RAB39A: variants seen among roughly 807,000 people sequenced by gnomAD.
RAB39A encodes the protein ras-related protein Rab-39A.
A neutral mutation model predicts 20.9 loss-of-function variants in RAB39A; 17 were observed. That is an observed-to-expected ratio of 0.81 (90% confidence interval 0.56 to 1.22). RAB39A has a LOEUF of 1.22. RAB39A is among the 50% of genes most tolerant of loss of function. RAB39A has a pLI of 0.00. For synonymous variants in RAB39A, 99 were observed against 103.4 expected (o/e 0.96, Z 0.26); for missense variants, 234 against 270.5 (o/e 0.87, Z 0.95).
chr11:107,962,717 T>C lies in RAB39A; in HGVS notation c.*345T>C. The C allele has an allele frequency of 5.4e-6, 1 of 184,322 alleles. No homozygotes were observed. The highest frequency in any genetic ancestry group is 1.1e-5 in the Non-Finnish European group (1 of 87,710). 11.4% of individuals were successfully genotyped at this position (184,322 alleles called of 1,614,324 possible). A position where few individuals can be genotyped will look rare whatever the true frequency, so the allele number is the denominator to read the frequency against. On this transcript the variant is annotated 3_prime_UTR_variant, in exon 2 of 2. Coordinates refer to ENST00000320578, the MANE Select transcript of RAB39A (RefSeq NM_017516.3). ...GTGCATATATAGTCAATTGAAAAGA[T>C]TTTATCAGGAATTACATTCTCTTGA...
intron 1 of RAB39A, among the ~76,000 whole-genome samples, chr11:107,930,861 TAAATA>T (rs1861128576): frequency 6.6e-6 from 1 of 150,454 alleles, no homozygotes; most frequent in African/African-American, 2.4e-5. Context: ...GTCTCAAAAA[TAAATA>T]AATAAATAAA....
chr11:107,944,407 C>G (rs370381513), intron 1 of RAB39A, among the ~76,000 whole-genome samples: 11 of 152,168 alleles, frequency 7.2e-5, no homozygotes, highest in African/African-American at 2.2e-4. Context: ...TTAATAGATA[C>G]TGGAGGCTAG....
At position 107,928,599 on chromosome 11, in the gene RAB39A, C is replaced by G. The variant is rs1217115570; in HGVS notation, c.31C>G (p.Leu11Val). The G allele has an allele frequency of 2.5e-6, 4 of 1,587,740 alleles. No individual in the cohort carries two copies. Among genetic ancestry groups the G allele is most frequent in the Admixed American group, 1.7e-5 (1 of 59,382 alleles). The change falls in exon 1 of 2, where the codon CTC becomes GTC. Residue 11 changes from leucine to valine, a missense_variant. Physicochemically the swap from Leu to Val is conservative, Grantham distance 32 (BLOSUM62 1). Transcript: ENST00000320578. The surrounding 1 kb of genome is among the most constrained non-coding windows in gnomAD (Gnocchi z 4.9). METIWIYQFR[L>V]IVIGDSTVGK... ...GACCATCTGGATCTACCAGTTCCGC[C>G]TCATCGTGATCGGGGACTCCACCGT... is the stretch of plus-strand genomic sequence containing the variant.
intron 1 of RAB39A, among the ~76,000 whole-genome samples, chr11:107,933,301 TTA>T (rs201420179): frequency 7.0e-5 from 8 of 114,476 alleles, no homozygotes; most frequent in Middle Eastern, 3.8e-3. Context: ...CTGTGATTCT[TTA>T]TATATATATA....
At chr11:107,937,916 T>C (rs936916452) in intron 1 of RAB39A, among the ~76,000 whole-genome samples, 1 of 152,158 alleles carries the variant, frequency 6.6e-6, no homozygotes, top group Admixed American at 6.6e-5. Flanking sequence ...AAATGTATTA[T>C]AACATAAATA....
intron 1 of RAB39A, among the ~76,000 whole-genome samples, chr11:107,952,850 T>G (rs969329656): frequency 6.6e-6 from 1 of 152,164 alleles, no homozygotes; most frequent in Non-Finnish European, 1.5e-5. Context: ...GCCATTGCAC[T>G]CCAGCCTGGT....
chr11:107,949,943 C>T (rs186586138), intron 1 of RAB39A, among the ~76,000 whole-genome samples: 20 of 151,680 alleles, frequency 1.3e-4, no homozygotes, highest in Admixed American at 1.3e-3. Context: ...GAGGCCGAGG[C>T]GGGCGTATTA....
intron 1 of RAB39A, among the ~76,000 whole-genome samples, chr11:107,944,299 C>T (rs1861288275): frequency 6.6e-6 from 1 of 151,966 alleles, no homozygotes; most frequent in Admixed American, 6.6e-5. Context: ...CCCATTGATC[C>T]AAATTTAGTG....
intron 1 of RAB39A, among the ~76,000 whole-genome samples, chr11:107,951,679 G>A (rs1188023272): frequency 1.4e-5 from 2 of 138,626 alleles, no homozygotes; most frequent in Admixed American, 8.0e-5. Flanking sequence ...AAATTCAGTG[G>A]CGCAGTCATA....
chr11:107,940,648 T>C (rs1207350362), intron 1 of RAB39A, among the ~76,000 whole-genome samples: 1 of 152,130 alleles, frequency 6.6e-6, no homozygotes, highest in African/African-American at 2.4e-5. Flanking sequence ...TCAATTCTGA[T>C]AATATATGAT....
At chr11:107,948,701 A>G (rs1287001084) in intron 1 of RAB39A, among the ~76,000 whole-genome samples, 1 of 152,014 alleles carries the variant, frequency 6.6e-6, no homozygotes, top group African/African-American at 2.4e-5. Context: ...CAGCCTCCCA[A>G]AGTGCTGGGA....
chr11:107,957,870 C>T (rs1008811938), intron 1 of RAB39A, among the ~76,000 whole-genome samples: 3 of 152,012 alleles, frequency 2.0e-5, no homozygotes, highest in Admixed American at 1.3e-4. Context: ...TCCCTTAAAT[C>T]ATCCATTAAT....
chr11:107,943,576 A>G (rs1375747019), intron 1 of RAB39A, among the ~76,000 whole-genome samples: 1 of 152,012 alleles, frequency 6.6e-6, no homozygotes, highest in Non-Finnish European at 1.5e-5. Flanking sequence ...GTCTCAAAAA[A>G]AAAAAAAAAA....
At chr11:107,961,909 T>C (rs1861499570) in intron 1 of RAB39A, 37 bp from the exon 2 acceptor site, 2 of 1,493,098 alleles carry the variant, frequency 1.3e-6, no homozygotes, top group Non-Finnish European at 1.8e-6. Flanking sequence ...AAAGAACAAG[T>C]TGTCCTTATA....
chr11:107,950,016 CA>C (rs1861359320), intron 1 of RAB39A, among the ~76,000 whole-genome samples: 2 of 151,462 alleles, frequency 1.3e-5, no homozygotes, highest in East Asian at 1.9e-4. Flanking sequence ...ACTAAAAATA[CA>C]AAAACAAAAA....
At chr11:107,949,597 G>A (rs1470597579) in intron 1 of RAB39A, among the ~76,000 whole-genome samples, 1 of 152,074 alleles carries the variant, frequency 6.6e-6, no homozygotes, top group Non-Finnish European at 1.5e-5. Flanking sequence ...AAATAATATT[G>A]AGAAGCTGGT....
Position 107,951,251 on chromosome 11 carries a change from A to T in RAB39A, c.228-10695A>T, listed in dbSNP as rs189548149. ...AGGCTTGTGTTTTAGCCTCTTGAAAACAGTGCTGAGGGCCACAAGGCAAGT... is the reference window on the plus strand; with the variant it reads ...AGGCTTGTGTTTTAGCCTCTTGAAATCAGTGCTGAGGGCCACAAGGCAAGT... On this transcript the variant is annotated intron_variant, in intron 1 of 1. Coordinates refer to ENST00000320578, the MANE Select transcript of RAB39A (RefSeq NM_017516.3). Among the ~76,000 whole-genome samples the T allele has an allele frequency of 3.2e-3, 492 of 152,332 alleles. 14 individuals are homozygous for T. The highest frequency in any genetic ancestry group is 1.7e-3 in the East Asian group (9 of 5,188).
At chr11:107,936,701 C>A (rs1440052861) in intron 1 of RAB39A, among the ~76,000 whole-genome samples, 1 of 151,936 alleles carries the variant, frequency 6.6e-6, no homozygotes, top group African/African-American at 2.4e-5. Flanking sequence ...ATTTTTTGTT[C>A]CTTCAGTAGA....
At chr11:107,961,386 A>G (rs1021829074) in intron 1 of RAB39A, among the ~76,000 whole-genome samples, 1 of 152,120 alleles carries the variant, frequency 6.6e-6, no homozygotes. Flanking sequence ...TTCCACCCTC[A>G]TGACCTAAAT....
Sources: gnomAD v4.1 joint callset for allele counts (sites outside exome capture counted in the v4.1 genomes callset) on GRCh38, gnomAD v4.1.1 for gene constraint, Gnocchi (gnomAD v3.1) non-coding constraint, MANE v1.5 for transcripts, NCBI Gene and HGNC (gene_info 2026-07-23, HGNC 2026-07-21) for gene names.